Variants in CTNNAL1 observed in about 807,000 individuals in gnomAD.
CTNNAL1 encodes alpha-catulin.
CTNNAL1 carries 69 observed loss-of-function variants against 93.6 expected under a neutral mutation model. The observed-to-expected ratio is 0.74, with a 90% CI of 0.61 to 0.90. The LOEUF (loss-of-function observed/expected upper bound fraction) is 0.90, where lower values mean the gene tolerates loss of function less well. Among genes scored for constraint, CTNNAL1 ranks in the 40% least tolerant of loss-of-function variants. The pLI is 0.00. For missense variants in CTNNAL1, 836 were observed against 862.0 expected (o/e 0.97, Z 0.38); for synonymous variants, 286 against 305.4 (o/e 0.94, Z 0.66).
chr9:109,002,152 C>T (rs765157838), intron 1 of CTNNAL1, among the ~76,000 whole-genome samples: 1 of 152,190 alleles, frequency 6.6e-6, no homozygotes, highest in East Asian at 1.9e-4. Context: ...GTCCTGCTTA[C>T]AGTTCTGGAG....
In CTNNAL1 at chr9:108,994,675, G is replaced by A. The variant is rs116160420; in HGVS notation, c.332-1856C>T. On this transcript the variant is annotated intron_variant, in intron 2 of 18. Coordinates refer to ENST00000325551, the MANE Select transcript of CTNNAL1 (RefSeq NM_003798.4). ...TCTGTGGTAGCCAGCCTTCAAGATC[G>A]CTCCCCATGATCCCCACCTACTGTT... Among the ~76,000 whole-genome samples the A allele has an allele frequency of 4.7e-3, 718 of 152,192 alleles. 6 individuals are homozygous for A. The highest frequency in any genetic ancestry group is 0.016 in the African/African-American group (682 of 41,504).
intron 6 of CTNNAL1, among the ~76,000 whole-genome samples, chr9:108,980,278 T>C (rs1229891014): frequency 6.6e-6 from 1 of 152,196 alleles, no homozygotes; most frequent in Non-Finnish European, 1.5e-5. Flanking sequence ...CACATGCTCA[T>C]GTGTGCAGTC....
intron 1 of CTNNAL1, among the ~76,000 whole-genome samples, chr9:109,004,751 A>AC (rs1826961580): frequency 6.6e-6 from 1 of 151,994 alleles, no homozygotes; most frequent in African/African-American, 2.4e-5. Context: ...ATGGCATTGC[A>AC]CTCCAGCCCG....
chr9:108,977,926 A>C (rs1016859884), intron 7 of CTNNAL1, among the ~76,000 whole-genome samples: 8 of 152,216 alleles, frequency 5.3e-5, no homozygotes, highest in African/African-American at 1.9e-4. Flanking sequence ...ATTTTAGCTT[A>C]TTCATCTTTA....
Position 108,942,631 on chromosome 9 carries a change from G to A in CTNNAL1, c.*138C>T, listed in dbSNP as rs1222226704. ...CAAAAAGCTTTACAATCAGTTTCAT[G>A]ATCAGAAAATAGAGCAAAATTTCAA... On this transcript the variant is annotated 3_prime_UTR_variant, in exon 19 of 19. Coordinates refer to ENST00000325551, the MANE Select transcript of CTNNAL1 (RefSeq NM_003798.4). The A allele has an allele frequency of 3.1e-6, 2 of 635,552 alleles. No individual in the cohort carries two copies. Among genetic ancestry groups the A allele is most frequent in the Non-Finnish European group, 2.7e-6 (1 of 369,670 alleles). The allele number at this position is 635,552 out of a possible 1,614,324, so 39.4% of individuals were successfully genotyped here.
intron 10 of CTNNAL1, among the ~76,000 whole-genome samples, chr9:108,967,805 G>A (rs1224867103): frequency 2.6e-5 from 4 of 152,176 alleles, no homozygotes; most frequent in Non-Finnish European, 5.9e-5. Flanking sequence ...GCCATGTAAT[G>A]GAGAAGCATA....
chr9:108,993,455 C>T (rs926354928), intron 2 of CTNNAL1, among the ~76,000 whole-genome samples: 4 of 152,164 alleles, frequency 2.6e-5, no homozygotes, highest in Non-Finnish European at 4.4e-5. Context: ...ACAAAAGCCT[C>T]CCTCCTGAGA....
At chr9:108,964,364 T>C (rs1043278058) in intron 11 of CTNNAL1, among the ~76,000 whole-genome samples, 2 of 152,202 alleles carry the variant, frequency 1.3e-5, no homozygotes, top group African/African-American at 4.8e-5. Flanking sequence ...TTTGATATAA[T>C]TGTAAATGAC....
In CTNNAL1 at chr9:108,992,689, T is replaced by C. The variant is rs2132178479; in HGVS notation, c.462A>G (p.Lys154=). The stretch of plus-strand genomic sequence containing the variant: ...CTACTCGGTCTGCCAGCAACAACAC[T>C]TTTGTCACTGAAGAAAGAAGTAATC... The part of the protein sequence containing the change: ...AARLLLSSVT[K]VLLLADRVVI... Residue 154 remains lysine (K), a synonymous_variant, in exon 3 of 19, where the codon AAA becomes AAG. Coordinates refer to ENST00000325551, the MANE Select transcript of CTNNAL1 (RefSeq NM_003798.4). The C allele has an allele frequency of 1.2e-6, 2 of 1,614,016 alleles. 1 individual carries two copies. Among genetic ancestry groups the C allele is most frequent in the East Asian group, 4.5e-5 (2 of 44,876 alleles).
At chr9:108,980,523 C>T (rs1008378530) in intron 6 of CTNNAL1, among the ~76,000 whole-genome samples, 8 of 152,122 alleles carry the variant, frequency 5.3e-5, no homozygotes, top group South Asian at 2.1e-4. Context: ...TAACATCATC[C>T]ATGAAAATAT....
intron 4 of CTNNAL1, among the ~76,000 whole-genome samples, chr9:108,989,379 G>A (rs1474233607): frequency 1.3e-5 from 2 of 151,956 alleles, no homozygotes; most frequent in Non-Finnish European, 2.9e-5. Context: ...GAAAGAGAAG[G>A]AAAAGAAAGA....
At chr9:109,008,445 C>A (rs1375316885) in intron 1 of CTNNAL1, among the ~76,000 whole-genome samples, 2 of 152,192 alleles carry the variant, frequency 1.3e-5, no homozygotes, top group Non-Finnish European at 1.5e-5. Context: ...CCACGCCCAG[C>A]CCCAATCCAC....
At chr9:108,972,864 G>GCCGCCCCCCC in intron 8 of CTNNAL1, 31 bp from the exon 9 acceptor site, 1 of 142,588 alleles carries the variant, frequency 7.0e-6, no homozygotes, top group African/African-American at 9.6e-5. Flanking sequence ...GGGGGGGTGG[G>GCCGCCCCCCC]AGGGTGGAGA....
intron 4 of CTNNAL1, among the ~76,000 whole-genome samples, chr9:108,984,681 AGAGGCT>A (rs1179250097): frequency 6.6e-6 from 1 of 152,212 alleles, no homozygotes; most frequent in Non-Finnish European, 1.5e-5. Context: ...AGACACAGGT[AGAGGCT>A]GCACATGGCT....
Position 108,955,821 on chromosome 9 carries a change from T to C in CTNNAL1, c.1598A>G (p.Lys533Arg). Reference protein sequence around the residue: ...NDVFEGRRGEKYGYLSLPKPM... With the variant: ...NDVFEGRRGERYGYLSLPKPM... ...CTTTGGAAGTGAAAGGTAGCCATAC[T>C]TCTCTCCTACAAATAACACATATAA... Residue 533 changes from lysine to arginine, a missense_variant, in exon 12 of 19, where the codon AAG (lysine) becomes AGG (arginine). Lys to Arg is a conservative substitution (Grantham distance 26). Transcript: ENST00000325551. 1.2e-6 allele frequency: 2 copies of C among 1,600,132 alleles called. No individual in the cohort carries two copies. Among genetic ancestry groups the C allele is most frequent in the Non-Finnish European group, 1.7e-6 (2 of 1,173,122 alleles).
intron 2 of CTNNAL1, among the ~76,000 whole-genome samples, chr9:108,998,160 G>A (rs573578917): frequency 4.6e-5 from 7 of 152,134 alleles, no homozygotes; most frequent in Admixed American, 2.6e-4. Flanking sequence ...TACCCCTCAC[G>A]GGACATTTGG....
At chr9:108,972,864 G>GGGGGGGGGGCGCCCCCCCCCCCCCCC in intron 8 of CTNNAL1, 31 bp from the exon 9 acceptor site, 1 of 142,590 alleles carries the variant, frequency 7.0e-6, no homozygotes, top group Non-Finnish European at 1.0e-5. Flanking sequence ...GGGGGGGTGG[G>GGGGGGGGGGCGCCCCCCCCCCCCCCC]AGGGTGGAGA....
intron 4 of CTNNAL1, among the ~76,000 whole-genome samples, chr9:108,986,297 G>C (rs919857942): frequency 2.7e-5 from 4 of 150,330 alleles, no homozygotes; most frequent in African/African-American, 9.8e-5. Flanking sequence ...TTGTCCTTGC[G>C]ATAGTTTACT....
chr9:108,972,868 G>GGCCCCCCCCCCCCGGGT, intron 8 of CTNNAL1, 35 bp from the exon 9 acceptor site: 1 of 1,092,788 alleles, frequency 9.2e-7, no homozygotes. Context: ...GGGTGGGAGG[G>GGCCCCCCCCCCCCGGGT]TGGAGAAGGA....
Sources: gnomAD v4.1 joint callset for allele counts (sites outside exome capture counted in the v4.1 genomes callset) on GRCh38, gnomAD v4.1.1 for gene constraint, MANE v1.5 for transcripts, NCBI Gene and HGNC (gene_info 2026-07-23, HGNC 2026-07-21) for gene names.